UTRN: variants seen among roughly 807,000 people sequenced by gnomAD.
UTRN encodes the protein dystrophin-related protein 1.
Under a neutral mutation model 463.9 loss-of-function variants are expected in UTRN, and 283 were observed. That is an observed-to-expected ratio of 0.61 (90% CI 0.55 to 0.67). The LOEUF is 0.67. Among genes scored for constraint, UTRN ranks in the 30% least tolerant of loss-of-function variants. The pLI, the probability that UTRN is intolerant of heterozygous loss-of-function variation, is 0.00. For synonymous variants in UTRN, 1,442 were observed against 1,431.5 expected (o/e 1.01, Z -0.17); for missense variants, 3,922 against 4,084.3 (o/e 0.96, Z 1.08).
At chr6:144,432,335 T>C (rs1785936695) in intron 9 of UTRN, among the ~76,000 whole-genome samples, 1 of 152,166 alleles carries the variant, frequency 6.6e-6, no homozygotes, top group African/African-American at 2.4e-5. Context: ...CTGATTAATC[T>C]ATCAAAATAC....
chr6:144,441,503 C>T (rs1200223488), intron 13 of UTRN, among the ~76,000 whole-genome samples: 1 of 152,238 alleles, frequency 6.6e-6, no homozygotes, highest in African/African-American at 2.4e-5. Context: ...TGGTCTTGGG[C>T]AGTGCTGCCT....
At chr6:144,292,138 T>C (rs1236831652) in intron 2 of UTRN, among the ~76,000 whole-genome samples, 1 of 152,232 alleles carries the variant, frequency 6.6e-6, no homozygotes, top group Non-Finnish European at 1.5e-5. Flanking sequence ...AAACTGCTGC[T>C]TGTAGCTAAA....
intron 53 of UTRN, among the ~76,000 whole-genome samples, chr6:144,704,438 A>G (rs1463521988): frequency 6.6e-6 from 1 of 152,196 alleles, no homozygotes; most frequent in Non-Finnish European, 1.5e-5. Flanking sequence ...CAGAATTTAT[A>G]CAAAAAACCC....
intron 3 of UTRN, among the ~76,000 whole-genome samples, chr6:144,421,573 C>T (rs1466392219): frequency 2.0e-5 from 3 of 151,876 alleles, no homozygotes; most frequent in Non-Finnish European, 2.9e-5. Flanking sequence ...CCTGTAGTCC[C>T]AGCTACTCGG....
chr6:144,689,928 T>C (rs930140433), intron 52 of UTRN, among the ~76,000 whole-genome samples: 1 of 151,800 alleles, frequency 6.6e-6, no homozygotes, highest in Admixed American at 6.6e-5. Context: ...AGTGAGTCAG[T>C]TGGCCTCCAG....
chr6:144,498,653 T>C (rs1308579139), intron 33 of UTRN, among the ~76,000 whole-genome samples: 1 of 150,558 alleles, frequency 6.6e-6, no homozygotes, highest in Non-Finnish European at 1.5e-5. Flanking sequence ...TTAATACACA[T>C]AACAATCTTT....
chr6:144,541,288 T>G (rs1585188125), intron 45 of UTRN, among the ~76,000 whole-genome samples: 1 of 152,194 alleles, frequency 6.6e-6, no homozygotes, highest in Non-Finnish European at 1.5e-5. Flanking sequence ...CTACACTCCT[T>G]TCCAGACATG....
At chr6:144,836,197 A>G (rs754976677) in intron 70 of UTRN, 104 bp from the exon 71 acceptor site, 37 of 1,539,194 alleles carry the variant, frequency 2.4e-5, no homozygotes, top group Non-Finnish European at 3.2e-5. Flanking sequence ...ACACATTTTT[A>G]TATAAGAGGA....
chr6:144,840,124 G>A (rs1346820112), intron 72 of UTRN, among the ~76,000 whole-genome samples: 5 of 151,928 alleles, frequency 3.3e-5, no homozygotes, highest in Non-Finnish European at 7.4e-5. Context: ...GGAGGCGGAG[G>A]TTGCAGTGAG....
At chr6:144,669,837 T>A (rs1780815796) in intron 51 of UTRN, among the ~76,000 whole-genome samples, 1 of 152,114 alleles carries the variant, frequency 6.6e-6, no homozygotes, top group African/African-American at 2.4e-5. Flanking sequence ...ACATACGATG[T>A]TTGATTTTCC....
At chr6:144,842,367 G>T (rs1447994482) in intron 73 of UTRN, among the ~76,000 whole-genome samples, 1 of 152,082 alleles carries the variant, frequency 6.6e-6, no homozygotes, top group African/African-American at 2.4e-5. Flanking sequence ...ATCACTTGAG[G>T]TCAGGAGTTT....
chr6:144,370,895 G>C (rs529251981), intron 2 of UTRN, among the ~76,000 whole-genome samples: 1 of 152,140 alleles, frequency 6.6e-6, no homozygotes, highest in Non-Finnish European at 1.5e-5. Flanking sequence ...GCCTGTATTC[G>C]TACTGAAAAT....
chr6:144,659,101 G>C (rs769479117), intron 51 of UTRN, among the ~76,000 whole-genome samples: 11 of 152,078 alleles, frequency 7.2e-5, no homozygotes, highest in Non-Finnish European at 1.3e-4. Flanking sequence ...ATTAATCAAC[G>C]CGTATTTCCT....
At chr6:144,608,788 A>C (rs200664517) in intron 51 of UTRN, among the ~76,000 whole-genome samples, 1 of 129,356 alleles carries the variant, frequency 7.7e-6, no homozygotes, top group Non-Finnish European at 1.6e-5. Flanking sequence ...CGACCTCTCT[A>C]TGTGCTTTGC....
intron 3 of UTRN, among the ~76,000 whole-genome samples, chr6:144,405,671 T>C (rs1307044132): frequency 6.6e-6 from 1 of 152,232 alleles, no homozygotes. Context: ...CAGACACTGA[T>C]GGCACCTTCT....
At chr6:144,826,161 A>T (rs201526899) in intron 66 of UTRN, among the ~76,000 whole-genome samples, 1 of 148,590 alleles carries the variant, frequency 6.7e-6, no homozygotes, top group Admixed American at 6.8e-5. Flanking sequence ...AATAAAAGAA[A>T]AAATAAATAA....
chr6:144,388,414 G>A (rs1490639867), intron 2 of UTRN, among the ~76,000 whole-genome samples: 1 of 151,986 alleles, frequency 6.6e-6, no homozygotes, highest in African/African-American at 2.4e-5. Flanking sequence ...CTGGGTTCAA[G>A]CGATTGTCCC....
At chr6:144,338,502 T>C (rs1776904300) in intron 2 of UTRN, among the ~76,000 whole-genome samples, 1 of 152,218 alleles carries the variant, frequency 6.6e-6, no homozygotes. Flanking sequence ...AGTTGATCAG[T>C]ATAGTCATGG....
chr6:144,406,304 C>T (rs1346174102), intron 3 of UTRN, among the ~76,000 whole-genome samples: 2 of 150,882 alleles, frequency 1.3e-5, no homozygotes, highest in South Asian at 4.2e-4. Flanking sequence ...CTAATTGGTT[C>T]TTCCATTCCA....
Sources: allele counts gnomAD v4.1 joint callset (sites outside exome capture counted in the v4.1 genomes callset), GRCh38; gene constraint gnomAD v4.1.1; transcripts MANE v1.5; gene names NCBI Gene and HGNC (gene_info 2026-07-23, HGNC 2026-07-21).